Variants in CACNA1B observed in about 807,000 individuals in gnomAD.
CACNA1B encodes the protein voltage-dependent N-type calcium channel subunit alpha-1B.
CACNA1B carries 70 observed loss-of-function variants against 247.2 expected under a neutral mutation model. That is an observed-to-expected ratio of 0.28 (90% CI 0.23 to 0.35). The LOEUF (loss-of-function observed/expected upper bound fraction) is 0.35. CACNA1B is among the 10% of genes least tolerant of loss of function. CACNA1B has a pLI of 1.00. For missense variants in CACNA1B, 2,367 were observed against 3,197.4 expected, an observed-to-expected ratio of 0.74 and a Z score of 6.26; for synonymous variants, 1,231 against 1,294.4, an observed-to-expected ratio of 0.95 and a Z score of 1.05.
Position 137,911,044 on chromosome 9 carries a change from T to C in CACNA1B, c.531-2136T>C, listed in dbSNP as rs118017747. ...TTATATTTAGATCTTTGATCCATTT[T>C]GAGTTACTTTCTGTATTTGGTGTAA... On this transcript the variant is annotated intron_variant, in intron 3 of 46. Transcript: ENST00000371372. Among the ~76,000 whole-genome samples the C allele has an allele frequency of 7.4e-3, 1,124 of 152,352 alleles. 5 individuals carry two copies. The highest frequency in any genetic ancestry group is 0.012 in the Non-Finnish European group (847 of 68,028).
At chr9:138,107,510 CTT>C (rs1158966474) in intron 39 of CACNA1B, among the ~76,000 whole-genome samples, 1 of 152,074 alleles carries the variant, frequency 6.6e-6, no homozygotes, top group Non-Finnish European at 1.5e-5. Flanking sequence ...CATGCCTTCT[CTT>C]TCATATTTTC....
intron 6 of CACNA1B, among the ~76,000 whole-genome samples, chr9:137,951,381 G>T (rs745698337): frequency 6.6e-6 from 1 of 152,164 alleles, no homozygotes; most frequent in South Asian, 2.1e-4. Flanking sequence ...GCAGCACCTG[G>T]AGATCAGCGC....
chr9:137,975,499 G>C (rs1233314419), intron 11 of CACNA1B, among the ~76,000 whole-genome samples: 1 of 152,188 alleles, frequency 6.6e-6, no homozygotes, highest in Admixed American at 6.5e-5. Context: ...GGTGAGGCCA[G>C]AGGCGGAAGG....
intron 20 of CACNA1B, among the ~76,000 whole-genome samples, chr9:138,041,639 G>T (rs980618009): frequency 9.2e-5 from 14 of 152,002 alleles, no homozygotes; most frequent in Non-Finnish European, 1.9e-4. Context: ...GTAGTAAATC[G>T]ATTTCAGAGA....
Position 137,917,463 on chromosome 9 carries a change from C to A in CACNA1B, c.966+32C>A. ...GGCGTCTTGGCCCTGGGCCTGAGGG[C>A]AGGCCCTGGACCTCCTGAGCTGGTG... On this transcript the variant is annotated intron_variant, in intron 6 of 46. Transcript: ENST00000371372. This position sits in a 1 kb window ranked among gnomAD's most constrained non-coding sequence, Gnocchi z 5.5. 1 of 1,596,548 alleles carries A rather than the reference C, an allele frequency of 6.3e-7. No individual in the cohort carries two copies. The highest frequency in any genetic ancestry group is 8.6e-7 in the Non-Finnish European group (1 of 1,168,334).
chr9:138,083,739 T>C (rs1014431306), intron 36 of CACNA1B, among the ~76,000 whole-genome samples: 2 of 150,482 alleles, frequency 1.3e-5, no homozygotes, highest in African/African-American at 4.9e-5. Flanking sequence ...GGAGCTAGAC[T>C]TGCCCCCTGG....
Position 138,072,507 on chromosome 9 carries a change from C to T in CACNA1B, c.4675-981C>T, listed in dbSNP as rs1406703206. ...TATTTGATGACTGAATCTGACAACA[C>T]GAACGTGTCTCTGAGCCTGAGCTGC... On this transcript the variant is annotated intron_variant, in intron 32 of 46. Coordinates refer to ENST00000371372, the MANE Select transcript of CACNA1B (RefSeq NM_000718.4). The surrounding 1 kb of genome is among the most constrained non-coding windows in gnomAD (Gnocchi z 4.5). 2.0e-5 allele frequency among the ~76,000 whole-genome samples: 3 copies of T among 152,264 alleles called. No homozygotes were observed. The highest frequency in any genetic ancestry group is 6.5e-5 in the Admixed American group (1 of 15,286).
intron 36 of CACNA1B, among the ~76,000 whole-genome samples, chr9:138,089,592 G>T (rs764664134): frequency 6.6e-6 from 1 of 152,078 alleles, no homozygotes; most frequent in Non-Finnish European, 1.5e-5. Flanking sequence ...CAACAAGAAA[G>T]GATACCCACT....
chr9:138,122,008 T>C lies in CACNA1B; in HGVS notation c.*9T>C. The C allele has an allele frequency of 1.9e-6, 3 of 1,591,506 alleles. No individual in the cohort carries two copies. In the African/African-American group the frequency reaches 4.0e-5, roughly 21 times the overall value. ...AAGACCACTGGTGCTAGCTGCACCGTGACCGCTCAGACGCCTGCATGCAGC... is the reference window on the plus strand; with the variant it reads ...AAGACCACTGGTGCTAGCTGCACCGCGACCGCTCAGACGCCTGCATGCAGC... On this transcript the variant is annotated 3_prime_UTR_variant, in exon 47 of 47. Coordinates refer to ENST00000371372, the MANE Select transcript of CACNA1B (RefSeq NM_000718.4).
At chr9:137,978,228 C>T (rs1371521910) in intron 12 of CACNA1B, among the ~76,000 whole-genome samples, 1 of 143,906 alleles carries the variant, frequency 6.9e-6, no homozygotes, top group Non-Finnish European at 1.5e-5. Context: ...TCACTACTCC[C>T]CCAGGAAGGA....
chr9:138,074,339 C>G (rs1323929379), intron 34 of CACNA1B, among the ~76,000 whole-genome samples: 1 of 151,654 alleles, frequency 6.6e-6, no homozygotes, highest in Non-Finnish European at 1.5e-5. Context: ...CTGCTAGGTT[C>G]AAGCGATTCT....
chr9:138,008,203 A>C (rs564619860), intron 16 of CACNA1B, among the ~76,000 whole-genome samples: 2 of 152,330 alleles, frequency 1.3e-5, no homozygotes, highest in East Asian at 1.9e-4. Context: ...GTTGTCAGAG[A>C]GGGACGGAAG....
chr9:137,975,238 G>A (rs1371176800), intron 11 of CACNA1B, among the ~76,000 whole-genome samples: 1 of 152,202 alleles, frequency 6.6e-6, no homozygotes, highest in East Asian at 1.9e-4. Flanking sequence ...CACTGCTGCT[G>A]TGCCCGCAGG....
rs527922553 is a variant in CACNA1B at position 137,904,055 on chromosome 9, T to A, written c.531-9125T>A. On this transcript the variant is annotated intron_variant, in intron 3 of 46. Transcript: ENST00000371372. ...ACCTGGAGGTTGCTTTTCCTGCCAGTTTTTTCCTTTCTCTCATTGGTTTGA... is the reference window on the plus strand; with the variant it reads ...ACCTGGAGGTTGCTTTTCCTGCCAGATTTTTCCTTTCTCTCATTGGTTTGA... Among the ~76,000 whole-genome samples the A allele has an allele frequency of 7.2e-5, 11 of 152,260 alleles. No individual in the cohort carries two copies. In the East Asian group the frequency reaches 1.9e-3, roughly 27 times the overall value.
intron 39 of CACNA1B, among the ~76,000 whole-genome samples, chr9:138,110,653 G>T (rs761922291): frequency 6.6e-6 from 1 of 152,138 alleles, no homozygotes. Flanking sequence ...GATTGCTTGA[G>T]CCCAGGTGTT....
chr9:137,986,183 C>T lies in CACNA1B; in HGVS notation c.1770-230C>T, dbSNP rs571146532. Among the ~76,000 whole-genome samples the T allele has an allele frequency of 6.6e-6, 1 of 152,194 alleles. No homozygotes were observed. Among genetic ancestry groups the T allele is most frequent in the Admixed American group, 6.5e-5 (1 of 15,302 alleles). Reference sequence around the variant, plus strand: ...AGGGACAGGGAGCAGTTTGGGAGGACGAAGTGAGTCCTCCACTGGGTGTGT... The same window carrying T: ...AGGGACAGGGAGCAGTTTGGGAGGATGAAGTGAGTCCTCCACTGGGTGTGT... On this transcript the variant is annotated intron_variant, in intron 13 of 46. Coordinates refer to ENST00000371372, the MANE Select transcript of CACNA1B (RefSeq NM_000718.4). The surrounding 1 kb of genome is among the most constrained non-coding windows in gnomAD (Gnocchi z 6.0).
chr9:138,058,808 G>C lies in CACNA1B; in HGVS notation c.4473+75G>C. The C allele has an allele frequency of 6.0e-6, 8 of 1,342,346 alleles. No homozygotes were observed. Among genetic ancestry groups the C allele is most frequent in the South Asian group, 1.3e-5 (1 of 78,444 alleles). The allele number at this position is 1,342,346 out of a possible 1,614,324, so 83.2% of individuals were successfully genotyped here. A position where few individuals can be genotyped will look rare whatever the true frequency, so the allele number is the denominator to read the frequency against. Reference sequence around the variant, plus strand: ...ATCTAACCCTGAGGCTGAGTGGAGAGTCAGCCTTCTTCCTCCCTGCATGAG... The same window carrying C: ...ATCTAACCCTGAGGCTGAGTGGAGACTCAGCCTTCTTCCTCCCTGCATGAG... On this transcript the variant is annotated intron_variant, in intron 29 of 46. Transcript: ENST00000371372. The surrounding 1 kb of genome is among the most constrained non-coding windows in gnomAD (Gnocchi z 4.7).
intron 6 of CACNA1B, among the ~76,000 whole-genome samples, chr9:137,928,954 T>G (rs1957580819): frequency 6.6e-6 from 1 of 152,254 alleles, no homozygotes; most frequent in African/African-American, 2.4e-5. Context: ...GATTTTGTTG[T>G]GTATTTATAG....
chr9:137,930,164 C>T (rs910453985), intron 6 of CACNA1B, among the ~76,000 whole-genome samples: 9 of 152,108 alleles, frequency 5.9e-5, no homozygotes, highest in East Asian at 1.9e-4. Context: ...GTCAGCTGGG[C>T]GCAGTGGCTC....
Sources: allele counts gnomAD v4.1 joint callset (sites outside exome capture counted in the v4.1 genomes callset), GRCh38; gene constraint gnomAD v4.1.1; non-coding constraint Gnocchi (gnomAD v3.1); transcripts MANE v1.5; gene names NCBI Gene and HGNC (gene_info 2026-07-23, HGNC 2026-07-21).